HLF: variants seen among roughly 807,000 people sequenced by gnomAD.
HLF encodes hepatic leukemia factor.
Under a neutral mutation model 22.6 loss-of-function variants are expected in HLF, and 3 were observed. The ratio of observed to expected loss-of-function variants is 0.13; its 90% CI spans 0.06 to 0.34. The LOEUF is 0.34. HLF is among the 10% of genes least tolerant of loss of function. The pLI is 1.00. For synonymous variants in HLF, 151 were observed against 151.8 expected (o/e 0.99, Z 0.04); for missense variants, 299 against 389.2 (o/e 0.77, Z 1.95).
intron 2 of HLF, among the ~76,000 whole-genome samples, chr17:55,313,139 GAGAA>G (rs1181882680): frequency 6.6e-6 from 1 of 152,168 alleles, no homozygotes; most frequent in Non-Finnish European, 1.5e-5. Context: ...AAAACCTAGA[GAGAA>G]AGAATGTCAA....
intron 2 of HLF, among the ~76,000 whole-genome samples, chr17:55,283,067 G>A (rs1000286790): frequency 9.2e-5 from 14 of 151,892 alleles, no homozygotes; most frequent in African/African-American, 2.9e-4. Context: ...TTGCTCCAAC[G>A]GTTGGATTTC....
intron 2 of HLF, among the ~76,000 whole-genome samples, chr17:55,302,529 T>C (rs60296934): frequency 0.18 from 27,642 of 152,046 alleles, 3,070 homozygotes; most frequent in East Asian, 0.43. Context: ...GAGGGAAGGG[T>C]GTCACCGGGG....
chr17:55,316,828 A>G (rs1905085991), intron 3 of HLF, among the ~76,000 whole-genome samples: 1 of 152,140 alleles, frequency 6.6e-6, no homozygotes, highest in Non-Finnish European at 1.5e-5. Flanking sequence ...AATCTAAACT[A>G]GTCAGGACAT....
chr17:55,311,085 T>C (rs1052524391), intron 2 of HLF, among the ~76,000 whole-genome samples: 2 of 151,378 alleles, frequency 1.3e-5, no homozygotes, highest in Non-Finnish European at 3.0e-5. Context: ...TATTATTATA[T>C]TTAAAACGGT....
chr17:55,324,159 C>A lies in HLF; in HGVS notation c.*3280C>A, dbSNP rs548435935. ...GCCTTTTGTCTTCAAATACAACAGG[C>A]CTCCACTGACCCATCCCTCAAAGCA... is the stretch of plus-strand genomic sequence containing the variant. On this transcript the variant is annotated 3_prime_UTR_variant, in exon 4 of 4. Coordinates refer to ENST00000226067, the MANE Select transcript of HLF (RefSeq NM_002126.5). 12 of 225,158 alleles carry A rather than the reference C, an allele frequency of 5.3e-5. No individual in the cohort carries two copies. The highest frequency in any genetic ancestry group is 9.7e-5 in the Non-Finnish European group (11 of 112,910). The allele number at this position is 225,158 out of a possible 1,614,324, so 13.9% of individuals were successfully genotyped here.
intron 2 of HLF, among the ~76,000 whole-genome samples, chr17:55,276,164 G>A (rs1044494438): frequency 6.6e-6 from 1 of 152,200 alleles, no homozygotes; most frequent in Non-Finnish European, 1.5e-5. Context: ...CGAAGAGCAA[G>A]GTGTATGGTC....
chr17:55,310,305 T>TG (rs1306491799), intron 2 of HLF, among the ~76,000 whole-genome samples: 4 of 152,216 alleles, frequency 2.6e-5, no homozygotes, highest in Non-Finnish European at 5.9e-5. Context: ...TATGGATCTT[T>TG]TAAATAAAGC....
At chr17:55,267,648 C>T (rs573150418) in intron 1 of HLF, 103 bp from the exon 2 acceptor site, 23 of 766,974 alleles carry the variant, frequency 3.0e-5, no homozygotes, top group African/African-American at 2.8e-4. Context: ...CCCTGCCATT[C>T]GTGAGAAATA....
chr17:55,278,538 G>GT (rs1413913925), intron 2 of HLF, among the ~76,000 whole-genome samples: 1 of 62,236 alleles, frequency 1.6e-5, no homozygotes, highest in African/African-American at 6.1e-5. Context: ...ATTGATTTGA[G>GT]TGGCGAAGGT....
intron 2 of HLF, among the ~76,000 whole-genome samples, chr17:55,308,331 A>G (rs78740813): frequency 0.012 from 1,873 of 152,340 alleles, 21 homozygotes; most frequent in Middle Eastern, 0.041. Context: ...TGTATTTTGT[A>G]TATGTGTTTA....
At chr17:55,308,231 G>T (rs759135461) in intron 2 of HLF, among the ~76,000 whole-genome samples, 1 of 152,344 alleles carries the variant, frequency 6.6e-6, no homozygotes. Flanking sequence ...GTTAAAAGTT[G>T]CAGTAGTTCA....
intron 2 of HLF, among the ~76,000 whole-genome samples, chr17:55,282,745 C>T (rs369031205): frequency 7.9e-5 from 12 of 152,184 alleles, no homozygotes; most frequent in East Asian, 5.8e-4. Flanking sequence ...TGCTGGAAGA[C>T]GACTAACATT....
intron 2 of HLF, among the ~76,000 whole-genome samples, chr17:55,305,999 T>G (rs1226936825): frequency 2.0e-5 from 3 of 152,238 alleles, no homozygotes; most frequent in Non-Finnish European, 2.9e-5. Context: ...ATATGAACTA[T>G]TCTGCCTTCA....
intron 2 of HLF, among the ~76,000 whole-genome samples, chr17:55,287,505 T>A (rs971594705): frequency 3.3e-5 from 5 of 152,206 alleles, no homozygotes; most frequent in African/African-American, 1.2e-4. Context: ...TTGGGAAGTG[T>A]TCAGGGAATG....
In HLF at chr17:55,304,301, C is replaced by T. The variant is rs143766766; in HGVS notation, c.452-10926C>T. ...CCCCACATGTCTGGGGAGAGGCTCC[C>T]GGCCCAGGGAGGAGGAGGTGGAAGG... On this transcript the variant is annotated intron_variant, in intron 2 of 3. Coordinates refer to ENST00000226067, the MANE Select transcript of HLF (RefSeq NM_002126.5). Among the ~76,000 whole-genome samples, 372 of 152,268 alleles carry T rather than the reference C, an allele frequency of 2.4e-3. 6 individuals are homozygous for T. The highest frequency in any genetic ancestry group is 8.7e-3 in the East Asian group (45 of 5,176).
chr17:55,280,095 G>A (rs1273701092), intron 2 of HLF, among the ~76,000 whole-genome samples: 1 of 152,214 alleles, frequency 6.6e-6, no homozygotes, highest in Non-Finnish European at 1.5e-5. Context: ...ACAGTGCTCA[G>A]TATATAAATG....
chr17:55,267,489 T>C, intron 1 of HLF: 1 of 388,982 alleles, frequency 2.6e-6, no homozygotes, highest in Non-Finnish European at 4.6e-6. Context: ...TGTTCTCTGG[T>C]TTTTATCCTA....
chr17:55,278,013 T>C (rs2080921773), intron 2 of HLF, among the ~76,000 whole-genome samples: 1 of 152,232 alleles, frequency 6.6e-6, no homozygotes, highest in African/African-American at 2.4e-5. Context: ...TTTTCTTTCC[T>C]GAAAAACTAC....
intron 2 of HLF, among the ~76,000 whole-genome samples, chr17:55,306,790 C>T (rs1221467986): frequency 6.6e-6 from 1 of 151,964 alleles, no homozygotes; most frequent in Non-Finnish European, 1.5e-5. Context: ...TTCTTTCCTT[C>T]CATAATACCT....
Sources: gnomAD v4.1 joint callset for allele counts (sites outside exome capture counted in the v4.1 genomes callset) on GRCh38, gnomAD v4.1.1 for gene constraint, MANE v1.5 for transcripts, NCBI Gene and HGNC (gene_info 2026-07-23, HGNC 2026-07-21) for gene names.